Variants in ANKRD35 observed in about 807,000 individuals in gnomAD.
The protein encoded by ANKRD35 is ankyrin repeat domain 35, also known as ankyrin repeat domain-containing protein 35.
A neutral mutation model predicts 109.9 loss-of-function variants in ANKRD35; 102 were observed. The observed-to-expected ratio is 0.93, with a 90% CI of 0.79 to 1.09. The LOEUF is 1.09. ANKRD35 is among the 50% of genes least tolerant of loss of function. The probability of loss-of-function intolerance (pLI) is 0.00; values close to 1 mark genes in which losing one functional copy is unlikely to be tolerated. For synonymous variants in ANKRD35, 515 were observed against 512.4 expected, an observed-to-expected ratio of 1.01 and a Z score of -0.07; for missense variants, 1,240 against 1,230.1, an observed-to-expected ratio of 1.01 and a Z score of -0.12.
Position 145,867,367 on chromosome 1 carries a change from T to C in ANKRD35, c.2969A>G (p.Asn990Ser), listed in dbSNP as rs782099864. 3.1e-6 allele frequency: 5 copies of C among 1,613,898 alleles called. 1 individual carries two copies. In the South Asian group the frequency reaches 5.5e-5, roughly 18 times the overall value. The change falls in exon 13 of 14, where the codon AAT becomes AGT. Residue 990 changes from asparagine to serine, a missense_variant. Coordinates refer to ENST00000355594, the MANE Select transcript of ANKRD35 (RefSeq NM_144698.5). The part of the protein sequence containing the change: ...ARGYMEHEVY[N>S]ILLQILSMEE... ...CATGCTAAGGATTTGCAGCAGGATATTGTACACTTCATGTTCCATGTAACC... is the reference window on the plus strand; with the variant it reads ...CATGCTAAGGATTTGCAGCAGGATACTGTACACTTCATGTTCCATGTAACC...
intron 1 of ANKRD35, among the ~76,000 whole-genome samples, chr1:145,881,642 G>T (rs782724885): frequency 3.7e-4 from 56 of 152,288 alleles, no homozygotes; most frequent in Admixed American, 2.2e-3. Context: ...ACGTCAACCT[G>T]CAGTTCTCGA....
At position 145,874,142 on chromosome 1, in the gene ANKRD35, C is replaced by T. The variant is rs181441881; in HGVS notation, c.783+13G>A. ...GTGTCAAAAGCAAAAGGGGGAGGCA[C>T]TTAGGGTCTTACCTGGGATGCGAGA... On this transcript the variant is annotated intron_variant, in intron 9 of 13. Transcript: ENST00000355594. 6.2e-7 allele frequency: 1 copy of T among 1,614,104 alleles called. No individual in the cohort carries two copies. Among genetic ancestry groups the T allele is most frequent in the African/African-American group, 1.3e-5 (1 of 75,040 alleles).
intron 4 of ANKRD35, 141 bp from the exon 5 acceptor site, chr1:145,877,014 C>G (rs1391563548): frequency 4.0e-6 from 3 of 756,732 alleles, no homozygotes; most frequent in Non-Finnish European, 6.6e-6. Flanking sequence ...ACTAGGCAAG[C>G]CCAGTTCATC....
chr1:145,878,272 T>A, intron 3 of ANKRD35, 119 bp downstream of exon 3: 1 of 1,150,634 alleles, frequency 8.7e-7, no homozygotes, highest in South Asian at 1.4e-5. Context: ...GGCCAGAACT[T>A]ACTAAGGAGA....
At position 145,872,807 on chromosome 1, in the gene ANKRD35, C is replaced by G. The variant is rs782675237; in HGVS notation, c.1962G>C (p.Arg654=). ...GCGCCTGTGGCTTGGGCACAAACTC[C>G]CGCTGCAGCCGCTGGCTCAGGGACT... ...ELQSLSQRLQ[R]EFVPKPQAQV... Residue 654 remains arginine, a synonymous_variant, in exon 10 of 14, where the codon CGG becomes CGC. Transcript: ENST00000355594. The G allele has an allele frequency of 1.2e-6, 2 of 1,613,924 alleles. No individual in the cohort carries two copies. Among genetic ancestry groups the G allele is most frequent in the Non-Finnish European group, 1.7e-6 (2 of 1,179,918 alleles).
chr1:145,876,116 G>A, intron 7 of ANKRD35, 24 bp downstream of exon 7: 2 of 1,606,634 alleles, frequency 1.2e-6, no homozygotes, highest in Non-Finnish European at 1.7e-6. Context: ...TGGGAATTGG[G>A]GTGCATAGAC....
chr1:145,868,197 C>T, intron 11 of ANKRD35, 114 bp downstream of exon 11: 2 of 1,473,220 alleles, frequency 1.4e-6, no homozygotes, highest in Non-Finnish European at 1.9e-6. Context: ...CCTAGCCAGG[C>T]CTCTGTAATT....
chr1:145,875,657 T>C (rs1023583798), intron 7 of ANKRD35, among the ~76,000 whole-genome samples: 1 of 152,048 alleles, frequency 6.6e-6, no homozygotes, highest in African/African-American at 2.4e-5. Context: ...CATGCCATTC[T>C]CCTGCCTCAG....
Position 145,872,282 on chromosome 1 carries a change from T to C in ANKRD35, c.2487A>G (p.Ala829=), listed in dbSNP as rs1273419020. The change falls in exon 10 of 14, where the codon GCA becomes GCG. Residue 829 remains alanine, a synonymous_variant. Coordinates refer to ENST00000355594, the MANE Select transcript of ANKRD35 (RefSeq NM_144698.5). Reference sequence around the variant, plus strand: ...TTTTCTCGTGTTGCCGTAGGCTGGCTGCCTCCCGGGCCCTTAGCTCAGCCA... The same window carrying C: ...TTTTCTCGTGTTGCCGTAGGCTGGCCGCCTCCCGGGCCCTTAGCTCAGCCA... ...EEVAELRARE[A]ASLRQHEKTR... is the part of the protein sequence containing the mutation. 2 of 1,612,168 alleles carry C rather than the reference T, an allele frequency of 1.2e-6. No individual in the cohort carries two copies. The highest frequency in any genetic ancestry group is 1.7e-6 in the Non-Finnish European group (2 of 1,179,338).
chr1:145,871,815 C>T (rs1357866973), intron 10 of ANKRD35, among the ~76,000 whole-genome samples, 167 bp downstream of exon 10: 1 of 152,202 alleles, frequency 6.6e-6, no homozygotes, highest in African/African-American at 2.4e-5. Flanking sequence ...CCAACCCCCT[C>T]AGACCCACGA....
chr1:145,871,808 AC>A (rs782350593), intron 10 of ANKRD35, among the ~76,000 whole-genome samples, 173 bp downstream of exon 10: 2 of 151,578 alleles, frequency 1.3e-5, no homozygotes, highest in Non-Finnish European at 2.9e-5. Flanking sequence ...AATCTCACCA[AC>A]CCCCTCAGAC....
At chr1:145,870,372 A>G (rs945726760) in intron 10 of ANKRD35, among the ~76,000 whole-genome samples, 1 of 152,088 alleles carries the variant, frequency 6.6e-6, no homozygotes, top group Non-Finnish European at 1.5e-5. Context: ...GATTACAGTC[A>G]TGAGCCACCG....
At chr1:145,868,211 A>G in intron 11 of ANKRD35, 100 bp downstream of exon 11, 2 of 1,502,726 alleles carry the variant, frequency 1.3e-6, no homozygotes, top group Non-Finnish European at 1.8e-6. Flanking sequence ...TGTAATTCCT[A>G]GAATGTCTCC....
intron 1 of ANKRD35, among the ~76,000 whole-genome samples, chr1:145,879,630 A>C (rs1553740775): frequency 6.6e-6 from 1 of 152,154 alleles, no homozygotes; most frequent in Non-Finnish European, 1.5e-5. Context: ...ACCCTGGACC[A>C]CTGAATTAAA....
chr1:145,873,297 A>G lies in ANKRD35; in HGVS notation c.1472T>C (p.Leu491Pro), dbSNP rs1553739302. The G allele has an allele frequency of 1.9e-6, 3 of 1,614,162 alleles. No homozygotes were observed. The Admixed American group carries it at 5.0e-5, about 27-fold the overall frequency. The change falls in exon 10 of 14, where the codon CTT becomes CCT. Residue 491 changes from leucine (L) to proline (P), a missense_variant. Coordinates refer to ENST00000355594, the MANE Select transcript of ANKRD35 (RefSeq NM_144698.5). Reference sequence around the variant, plus strand: ...AAGCTCCTCCCTTAGTTGAAGCAGAAGCTGGTTCATGGCTGCTGGGCCCAC... The same window carrying G: ...AAGCTCCTCCCTTAGTTGAAGCAGAGGCTGGTTCATGGCTGCTGGGCCCAC... The part of the protein sequence containing the change: ...EPVGPAAMNQ[L>P]LLQLREELAA...
At chr1:145,878,323 C>T (rs1282528910) in intron 3 of ANKRD35, 68 bp downstream of exon 3, 2 of 1,478,170 alleles carry the variant, frequency 1.4e-6, no homozygotes, top group Non-Finnish European at 1.9e-6. Context: ...CAGGGCCCAG[C>T]ACCGCCCCCG....
chr1:145,873,902 C>T lies in ANKRD35; in HGVS notation c.867G>A (p.Glu289=), dbSNP rs118112763. Residue 289 remains glutamate (E), a synonymous_variant, in exon 10 of 14, where the codon GAG becomes GAA. Coordinates refer to ENST00000355594, the MANE Select transcript of ANKRD35 (RefSeq NM_144698.5). ...ACTCCTCCGAGCACGGGTCTTCATC[C>T]TCCTTCTCCTCTTGCTCCTCTTCAG... ...AEPEEEQEEK[E]DEDPCSEEWR... is the part of the protein sequence containing the mutation. 4.7e-4 allele frequency: 752 copies of T among 1,614,226 alleles called. 5 individuals are homozygous for T. The East Asian group carries it at 0.015, about 31-fold the overall frequency.
In ANKRD35 at chr1:145,867,270, C is replaced by A; in HGVS notation, c.*43+17G>T. 6.5e-7 allele frequency: 1 copy of A among 1,545,148 alleles called. No homozygotes were observed. Among genetic ancestry groups the A allele is most frequent in the Admixed American group, 1.7e-5 (1 of 59,898 alleles). On this transcript the variant is annotated intron_variant, in intron 13 of 13. Transcript: ENST00000355594. ...CTCCCAAACTCCTTCCCTCATCACC[C>A]TTAACCCACAACTCACAACAGAGAA...
intron 6 of ANKRD35, 119 bp downstream of exon 6, chr1:145,876,450 G>A (rs1654078109): frequency 8.0e-7 from 1 of 1,244,592 alleles, no homozygotes; most frequent in Non-Finnish European, 1.2e-6. Context: ...AGCAGGAGGA[G>A]AAGGAAGAGA....
Sources: gnomAD v4.1 joint callset for allele counts (sites outside exome capture counted in the v4.1 genomes callset) on GRCh38, gnomAD v4.1.1 for gene constraint, MANE v1.5 for transcripts, NCBI Gene and HGNC (gene_info 2026-07-23, HGNC 2026-07-21) for gene names.